The following CACNB1 variants were observed in gnomAD, a reference collection of about 807,000 sequenced individuals.
CACNB1 encodes calcium voltage-gated channel auxiliary subunit beta 1.
In CACNB1, 29 loss-of-function variants were observed where a neutral mutation model predicts 71.6. That is an observed-to-expected ratio of 0.40 (90% CI 0.30 to 0.55). The LOEUF is 0.55. Among genes scored for constraint, CACNB1 ranks in the 20% least tolerant of loss-of-function variants. CACNB1 has a pLI of 0.38. For synonymous variants in CACNB1, 300 were observed against 319.6 expected, an observed-to-expected ratio of 0.94 and a Z score of 0.65; for missense variants, 623 against 801.8, an observed-to-expected ratio of 0.78 and a Z score of 2.69.
At position 39,186,362 on chromosome 17, in the gene CACNB1, G is replaced by A. The variant is rs1337318947; in HGVS notation, c.628+134C>T. Reference sequence around the variant, plus strand: ...AGGGGTAGCCTACTCTTCATGGAGGGGGAACCACTGCATGTGCTTGGGGGA... The same window carrying A: ...AGGGGTAGCCTACTCTTCATGGAGGAGGAACCACTGCATGTGCTTGGGGGA... On this transcript the variant is annotated intron_variant, in intron 6 of 13. Transcript: ENST00000394303. This position sits in a 1 kb window ranked among gnomAD's most constrained non-coding sequence, Gnocchi z 4.1. The A allele has an allele frequency of 1.5e-6, 1 of 675,598 alleles. No homozygotes were observed. Among genetic ancestry groups the A allele is most frequent in the Admixed American group, 2.7e-5 (1 of 37,066 alleles). The allele number at this position is 675,598 out of a possible 1,614,324, so 41.9% of individuals were successfully genotyped here. A position where few individuals can be genotyped will look rare whatever the true frequency, so the allele number is the denominator to read the frequency against.
chr17:39,181,700 C>G (rs1182775461), intron 11 of CACNB1, among the ~76,000 whole-genome samples: 2 of 152,182 alleles, frequency 1.3e-5, no homozygotes, highest in African/African-American at 4.8e-5. Flanking sequence ...TCCCCTTTAT[C>G]TCATTAGAAA....
intron 7 of CACNB1, 124 bp downstream of exon 7, chr17:39,185,007 G>A: frequency 9.7e-7 from 1 of 1,026,434 alleles, no homozygotes; most frequent in South Asian, 1.3e-5. Context: ...GGTGGGGAGG[G>A]ATGGCCAGGG....
rs542552421 is a variant in CACNB1, at chr17:39,190,094, C to T, written c.291+1380G>A. On this transcript the variant is annotated intron_variant, in intron 3 of 13. Transcript: ENST00000394303. ...TCGCACCACTGTACCCCAGCCTGGG[C>T]GGCAGTGCAAGACTCCATCTCAAAA... is the stretch of plus-strand genomic sequence containing the variant. Among the ~76,000 whole-genome samples the T allele has an allele frequency of 2.6e-3, 390 of 151,382 alleles. 3 individuals are homozygous for T. Among genetic ancestry groups the T allele is most frequent in the Non-Finnish European group, 4.6e-3 (313 of 67,856 alleles).
chr17:39,176,452 C>A (rs930217066), intron 13 of CACNB1, among the ~76,000 whole-genome samples: 1 of 152,166 alleles, frequency 6.6e-6, no homozygotes, highest in African/African-American at 2.4e-5. Context: ...AGTTTCCAAA[C>A]TGTTACCTAG....
intron 10 of CACNB1, 57 bp from the exon 11 acceptor site, chr17:39,183,921 A>G: frequency 1.3e-6 from 2 of 1,582,214 alleles, no homozygotes; most frequent in Admixed American, 3.4e-5. Flanking sequence ...CAGGAACAGC[A>G]GGTGGAGGGA....
intron 11 of CACNB1, among the ~76,000 whole-genome samples, chr17:39,179,195 G>A (rs1360453101): frequency 1.3e-5 from 2 of 151,136 alleles, no homozygotes; most frequent in Non-Finnish European, 3.0e-5. Context: ...CAGGAGGCTG[G>A]GGCAGAAGAA....
chr17:39,182,956 C>T (rs2144116190), intron 11 of CACNB1: 2 of 984,588 alleles, frequency 2.0e-6, no homozygotes, highest in Non-Finnish European at 2.4e-6. Flanking sequence ...TGTCTTCTAA[C>T]TTCAAATCCT....
intron 13 of CACNB1, 154 bp downstream of exon 13, chr17:39,177,196 C>T (rs1024618351): frequency 1.3e-6 from 2 of 1,494,810 alleles, no homozygotes; most frequent in Non-Finnish European, 1.8e-6. Flanking sequence ...ATGTTCCCTG[C>T]ACTCCAGTTC....
rs749639772 is a variant in CACNB1 at position 39,184,399 on chromosome 17, T to G, written c.730-16A>C. On this transcript the variant is annotated splice_polypyrimidine_tract_variant and intron_variant, in intron 8 of 13. Coordinates refer to ENST00000394303, the MANE Select transcript of CACNB1 (RefSeq NM_000723.5). ...TGTCTGTAACCTGGGGGTGGGGGTT[T>G]GTGGGGAGGGAGGGAGGAGAAGGCA... 2 of 818,558 alleles carry G rather than the reference T, an allele frequency of 2.4e-6. No homozygotes were observed. The highest frequency in any genetic ancestry group is 4.1e-5 in the East Asian group (1 of 24,516). The allele number at this position is 818,558 out of a possible 1,614,324, so 50.7% of individuals were successfully genotyped here.
chr17:39,190,860 T>C (rs1168778435), intron 3 of CACNB1, among the ~76,000 whole-genome samples: 2 of 152,150 alleles, frequency 1.3e-5, no homozygotes, highest in Non-Finnish European at 2.9e-5. Context: ...AGTTAAGTGG[T>C]ATTATTATCT....
At position 39,175,365 on chromosome 17, in the gene CACNB1, G is replaced by C. The variant is rs200023373; in HGVS notation, c.1625C>G (p.Pro542Arg). The change falls in exon 14 of 14, where the codon CCA (proline) becomes CGA (arginine). Residue 542 changes from proline (P) to arginine (R), a missense_variant. By Grantham distance (103) the Pro-to-Arg change is moderately radical. Coordinates refer to ENST00000394303, the MANE Select transcript of CACNB1 (RefSeq NM_000723.5). The surrounding 1 kb of genome is among the most constrained non-coding windows in gnomAD (Gnocchi z 4.7). ...GTCCTCCCAGGATCCCTGTCGGGCT[G>C]GGGGCGTGCCGCCCCCTGCAGGGTC... is the stretch of plus-strand genomic sequence containing the variant. ...LGDPAGGGTP[P>R]ARQGSWEDEE... is the part of the protein sequence containing the mutation. 9 of 1,613,960 alleles carry C rather than the reference G, an allele frequency of 5.6e-6. No homozygotes were observed. In the African/African-American group the frequency reaches 1.1e-4, roughly 19 times the overall value.
intron 11 of CACNB1, among the ~76,000 whole-genome samples, chr17:39,182,348 T>C (rs2045791383): frequency 6.9e-6 from 1 of 144,236 alleles, no homozygotes; most frequent in South Asian, 2.2e-4. Context: ...GTTAAGTAAC[T>C]GGTCCAGGGA....
In CACNB1 at chr17:39,197,545, C is replaced by G; in HGVS notation, c.-50G>C. Reference sequence around the variant, plus strand: ...CCGGCCCGGCCCAGCCGGGCTCCCTCAGCGCATGGGAGAGGCCGTGGGAGC... The same window carrying G: ...CCGGCCCGGCCCAGCCGGGCTCCCTGAGCGCATGGGAGAGGCCGTGGGAGC... On this transcript the variant is annotated 5_prime_UTR_variant, in exon 1 of 14. The change abolishes the stop of an existing upstream ORF in the 5' untranslated region. Coordinates refer to ENST00000394303, the MANE Select transcript of CACNB1 (RefSeq NM_000723.5). 7.1e-7 allele frequency: 1 copy of G among 1,401,062 alleles called. No homozygotes were observed. The highest frequency in any genetic ancestry group is 1.5e-5 in the African/African-American group (1 of 66,198). 86.8% of individuals were successfully genotyped at this position (1,401,062 alleles called of 1,614,324 possible).
At chr17:39,196,086 G>A (rs903008460) in intron 1 of CACNB1, among the ~76,000 whole-genome samples, 2 of 152,130 alleles carry the variant, frequency 1.3e-5, no homozygotes, top group East Asian at 1.9e-4. Flanking sequence ...CCAAGTCCCC[G>A]CCCTTGGTCT....
chr17:39,197,292 G>T (rs2046221414), intron 1 of CACNB1, 120 bp downstream of exon 1: 1 of 566,556 alleles, frequency 1.8e-6, no homozygotes. Flanking sequence ...GGGCGCGCAG[G>T]CATCCCTCTC....
Position 39,186,331 on chromosome 17 carries a change from A to C in CACNB1, c.628+165T>G, listed in dbSNP as rs1345067316. On this transcript the variant is annotated intron_variant, in intron 6 of 13. Transcript: ENST00000394303. The surrounding 1 kb of genome is among the most constrained non-coding windows in gnomAD (Gnocchi z 4.1). ...GGGAGAGGAGAGACATGACAGGCCC[A>C]GCTTGAGGGGTAGCCTACTCTTCAT... The C allele has an allele frequency of 3.1e-6, 2 of 638,520 alleles. No homozygotes were observed. The highest frequency in any genetic ancestry group is 5.5e-5 in the East Asian group (2 of 36,584). 39.6% of individuals were successfully genotyped at this position (638,520 alleles called of 1,614,324 possible).
At chr17:39,190,144 G>C (rs543768132) in intron 3 of CACNB1, among the ~76,000 whole-genome samples, 271 of 151,718 alleles carry the variant, frequency 1.8e-3, no homozygotes, top group African/African-American at 6.2e-3. Flanking sequence ...AAAAGGGGCT[G>C]GGCACAGTGG....
intron 8 of CACNB1, 24 bp from the exon 9 acceptor site, chr17:39,184,407 G>A: frequency 1.7e-6 from 2 of 1,200,134 alleles, no homozygotes; most frequent in Non-Finnish European, 2.4e-6. Flanking sequence ...TTTGTGGGGA[G>A]GGAGGGAGGA....
intron 11 of CACNB1, among the ~76,000 whole-genome samples, chr17:39,181,283 AG>A (rs919106881): frequency 1.3e-5 from 2 of 152,068 alleles, no homozygotes; most frequent in Non-Finnish European, 2.9e-5. Flanking sequence ...TAGTAGAGGC[AG>A]GGTTTCATCA....
Sources: allele counts gnomAD v4.1 joint callset (sites outside exome capture counted in the v4.1 genomes callset), GRCh38; gene constraint gnomAD v4.1.1; non-coding constraint Gnocchi (gnomAD v3.1); transcripts MANE v1.5; gene names NCBI Gene and HGNC (gene_info 2026-07-23, HGNC 2026-07-21).